MAGI2: variants seen among roughly 807,000 people sequenced by gnomAD.
MAGI2 encodes the protein membrane-associated guanylate kinase, WW and PDZ domain-containing protein 2.
Under a neutral mutation model 133.3 loss-of-function variants are expected in MAGI2, and 35 were observed. That is an observed-to-expected ratio of 0.26 (90% CI 0.20 to 0.35). The LOEUF (loss-of-function observed/expected upper bound fraction) is 0.35. MAGI2 is among the 10% of genes least tolerant of loss of function. MAGI2 has a pLI of 1.00. For missense variants in MAGI2, 1,636 were observed against 1,863.4 expected, an observed-to-expected ratio of 0.88 and a Z score of 2.25; for synonymous variants, 729 against 710.6, an observed-to-expected ratio of 1.03 and a Z score of -0.41.
At chr7:79,260,546 G>A (rs1184623844) in intron 1 of MAGI2, among the ~76,000 whole-genome samples, 1 of 152,030 alleles carries the variant, frequency 6.6e-6, no homozygotes, top group East Asian at 1.9e-4. Flanking sequence ...AACAAATACA[G>A]GTTGAGCATT....
At chr7:78,678,009 G>C (rs555830168) in intron 2 of MAGI2, among the ~76,000 whole-genome samples, 1 of 152,068 alleles carries the variant, frequency 6.6e-6, no homozygotes, top group African/African-American at 2.4e-5. Context: ...AGGGGCAAAG[G>C]AAAAATTCAT....
chr7:78,839,375 G>T (rs1054954455), intron 2 of MAGI2, among the ~76,000 whole-genome samples: 1 of 151,942 alleles, frequency 6.6e-6, no homozygotes. Flanking sequence ...AAATCTTTGC[G>T]ATGCTAAAAA....
chr7:78,796,064 A>G (rs1787587068), intron 2 of MAGI2, among the ~76,000 whole-genome samples: 1 of 152,180 alleles, frequency 6.6e-6, no homozygotes, highest in Non-Finnish European at 1.5e-5. Flanking sequence ...GCTACAGGTC[A>G]TTGGTCTGGG....
At chr7:78,600,021 C>T (rs992591796) in intron 3 of MAGI2, among the ~76,000 whole-genome samples, 2 of 152,208 alleles carry the variant, frequency 1.3e-5, no homozygotes, top group Non-Finnish European at 2.9e-5. Context: ...TCCATCCTCA[C>T]TCTTCAATGC....
chr7:78,904,095 G>A (rs1797823939), intron 2 of MAGI2: 1 of 152,176 alleles, frequency 6.6e-6, no homozygotes, highest in African/African-American at 2.4e-5. Flanking sequence ...CTCAGCCAGT[G>A]GCTGCAGCTC....
At chr7:79,393,668 C>G (rs7799230) in intron 1 of MAGI2, among the ~76,000 whole-genome samples, 37,460 of 152,026 alleles carry the variant, frequency 0.25, 5,969 homozygotes, top group African/African-American at 0.44. Flanking sequence ...TATTGGAAAT[C>G]CCACAGGTAT....
chr7:79,133,563 C>T (rs1381727415), intron 1 of MAGI2, among the ~76,000 whole-genome samples: 1 of 152,060 alleles, frequency 6.6e-6, no homozygotes. Context: ...AGCCTAGAAA[C>T]ATGTATTTAT....
At chr7:78,566,701 A>G (rs1800980801) in intron 3 of MAGI2, among the ~76,000 whole-genome samples, 1 of 152,194 alleles carries the variant, frequency 6.6e-6, no homozygotes, top group Non-Finnish European at 1.5e-5. Flanking sequence ...CACTTTATTG[A>G]GAGGTTCCAT....
chr7:78,492,400 A>C (rs942557610), intron 5 of MAGI2, among the ~76,000 whole-genome samples: 1 of 152,104 alleles, frequency 6.6e-6, no homozygotes, highest in African/African-American at 2.4e-5. Context: ...CTTAAACATC[A>C]CATGAAGATC....
At chr7:78,934,123 T>C (rs550174072) in intron 2 of MAGI2, among the ~76,000 whole-genome samples, 1 of 152,076 alleles carries the variant, frequency 6.6e-6, no homozygotes, top group Admixed American at 6.6e-5. Flanking sequence ...TTTATTAAGA[T>C]GGAGTCTTGC....
chr7:78,405,183 C>T (rs1383255113), intron 6 of MAGI2, among the ~76,000 whole-genome samples: 1 of 152,042 alleles, frequency 6.6e-6, no homozygotes, highest in Non-Finnish European at 1.5e-5. Flanking sequence ...GCAAACTTAG[C>T]TTCCTTTTAG....
At chr7:79,259,200 G>T (rs917296662) in intron 1 of MAGI2, among the ~76,000 whole-genome samples, 1 of 152,158 alleles carries the variant, frequency 6.6e-6, no homozygotes, top group Non-Finnish European at 1.5e-5. Context: ...TCTTAATCAT[G>T]ATTAAACTTC....
chr7:79,335,061 G>C (rs1271760018), intron 1 of MAGI2, among the ~76,000 whole-genome samples: 3 of 152,092 alleles, frequency 2.0e-5, no homozygotes, highest in Admixed American at 2.0e-4. Context: ...CTACGACTTG[G>C]TGAATCATCT....
chr7:78,541,443 G>A (rs929880401), intron 3 of MAGI2, among the ~76,000 whole-genome samples: 4 of 152,108 alleles, frequency 2.6e-5, no homozygotes, highest in Non-Finnish European at 4.4e-5. Context: ...ACTGGCATAT[G>A]GTCAATACTG....
intron 2 of MAGI2, among the ~76,000 whole-genome samples, chr7:78,741,512 G>T (rs1253202480): frequency 1.3e-5 from 2 of 150,708 alleles, no homozygotes; most frequent in African/African-American, 4.9e-5. Flanking sequence ...GAGGGATTCT[G>T]ATTTATAAAT....
intron 2 of MAGI2, among the ~76,000 whole-genome samples, chr7:78,867,500 A>T (rs938509300): frequency 6.9e-6 from 1 of 144,630 alleles, no homozygotes; most frequent in African/African-American, 2.6e-5. Context: ...ATGAGAACAC[A>T]TGGACACAGG....
At chr7:78,309,493 T>C (rs1798515690) in intron 9 of MAGI2, among the ~76,000 whole-genome samples, 1 of 152,190 alleles carries the variant, frequency 6.6e-6, no homozygotes, top group Non-Finnish European at 1.5e-5. Flanking sequence ...GCATTGGGTA[T>C]ACATGGACGC....
chr7:78,477,239 A>T (rs10238963), intron 6 of MAGI2, among the ~76,000 whole-genome samples: 36,588 of 151,900 alleles, frequency 0.24, 5,016 homozygotes, highest in African/African-American at 0.38. Flanking sequence ...CACATTTAGC[A>T]CTTACAGAGA....
chr7:78,409,608 T>C (rs1797690388), intron 6 of MAGI2, among the ~76,000 whole-genome samples: 1 of 152,082 alleles, frequency 6.6e-6, no homozygotes, highest in South Asian at 2.1e-4. Flanking sequence ...CTCCCATCCT[T>C]TGGTACATTC....
Sources: gnomAD v4.1 joint callset for allele counts (sites outside exome capture counted in the v4.1 genomes callset) on GRCh38, gnomAD v4.1.1 for gene constraint, MANE v1.5 for transcripts, NCBI Gene and HGNC (gene_info 2026-07-23, HGNC 2026-07-21) for gene names.